Variants in IST1 observed in about 807,000 individuals in gnomAD.
IST1 encodes IST1 homolog.
IST1 carries 23 observed loss-of-function variants against 37.0 expected under a neutral mutation model. The observed-to-expected ratio is 0.62, with a 90% CI of 0.45 to 0.88. The LOEUF is 0.88. Among genes scored for constraint, IST1 ranks in the 40% least tolerant of loss-of-function variants. IST1 has a pLI of 0.00. For missense variants in IST1, 488 were observed against 445.4 expected (o/e 1.10, Z -0.86); for synonymous variants, 180 against 161.7 (o/e 1.11, Z -0.86).
At chr16:71,924,177 G>T (rs1473863825) in intron 8 of IST1, 2 of 455,860 alleles carry the variant, frequency 4.4e-6, no homozygotes, top group Non-Finnish European at 8.8e-6. Context: ...TAGGAATGAG[G>T]TCGAAAATCT....
chr16:71,920,608 C>T lies in IST1; in HGVS notation c.358-131C>T, dbSNP rs775955934. 7.8e-6 allele frequency: 5 copies of T among 637,676 alleles called. No homozygotes were observed. In the East Asian group the frequency reaches 1.4e-4, roughly 18 times the overall value. 39.5% of individuals were successfully genotyped at this position (637,676 alleles called of 1,614,324 possible). A position where few individuals can be genotyped will look rare whatever the true frequency, so the allele number is the denominator to read the frequency against. ...AACAAATAGTGGATTAATGCATACC[C>T]CTTAAGGTTTTGCAGACTCCAGTGT... On this transcript the variant is annotated intron_variant, in intron 4 of 9. Transcript: ENST00000378799.
At chr16:71,904,684 CGGCATGAGCCACCATACCT>C (rs2037181783) in intron 1 of IST1, among the ~76,000 whole-genome samples, 1 of 152,114 alleles carries the variant, frequency 6.6e-6, no homozygotes, top group East Asian at 1.9e-4. Flanking sequence ...GCTGGGCTTA[CGGCATGAGCCACCATACCT>C]GGCCTCCAAC....
upstream of IST1, chr16:71,894,978 AG>A: frequency 1.4e-6 from 1 of 717,548 alleles, no homozygotes; most frequent in African/African-American, 1.8e-5. Context: ...GCTGGTCCAA[AG>A]GGCAACCGGA....
chr16:71,923,750 A>G (rs1163442581), intron 8 of IST1, among the ~76,000 whole-genome samples: 2 of 152,142 alleles, frequency 1.3e-5, no homozygotes, highest in Non-Finnish European at 2.9e-5. Flanking sequence ...TATTAGTCCT[A>G]TGTGTTCTCA....
intron 6 of IST1, chr16:71,921,664 G>T (rs2037588081): frequency 2.1e-6 from 1 of 487,468 alleles, no homozygotes. Context: ...TCAAAACCTT[G>T]ATACAAATGT....
chr16:71,922,831 C>G (rs145771786), intron 7 of IST1, 151 bp downstream of exon 7: 7,913 of 661,502 alleles, frequency 0.012, 64 homozygotes, highest in Non-Finnish European at 0.016. Context: ...GGGGAAAAAA[C>G]ACATTGGATT....
At chr16:71,914,650 G>C (rs889910717) in intron 1 of IST1, among the ~76,000 whole-genome samples, 1 of 152,116 alleles carries the variant, frequency 6.6e-6, no homozygotes, top group African/African-American at 2.4e-5. Context: ...AAAGGCTTTT[G>C]GGGGCAATTT....
At chr16:71,925,446 G>C (rs997539469) in intron 9 of IST1, among the ~76,000 whole-genome samples, 1 of 151,496 alleles carries the variant, frequency 6.6e-6, no homozygotes, top group African/African-American at 2.4e-5. Context: ...CTCTTGAGTA[G>C]CTGGGATTAT....
intron 3 of IST1, 34 bp downstream of exon 3, chr16:71,916,676 T>G: frequency 1.3e-6 from 2 of 1,568,764 alleles, no homozygotes; most frequent in Non-Finnish European, 1.7e-6. Context: ...CTAAATCATT[T>G]CTGGAATTTG....
intron 2 of IST1, 64 bp from the exon 3 acceptor site, chr16:71,916,398 T>G: frequency 6.6e-7 from 1 of 1,510,934 alleles, no homozygotes; most frequent in Non-Finnish European, 9.1e-7. Context: ...TGGGGGGAGA[T>G]TGGCCTGTAG....
chr16:71,900,830 C>T (rs952088780), intron 1 of IST1, among the ~76,000 whole-genome samples: 1 of 152,122 alleles, frequency 6.6e-6, no homozygotes, highest in South Asian at 2.1e-4. Context: ...GGGAAGCTCT[C>T]ATTTGAATGT....
At chr16:71,924,690 G>T in intron 8 of IST1, 79 bp from the exon 9 acceptor site, 1 of 1,123,660 alleles carries the variant, frequency 8.9e-7, no homozygotes, top group Non-Finnish European at 1.4e-6. Context: ...CTTAACTTTT[G>T]GAAACACAGG....
At chr16:71,911,342 C>T (rs1305208004) in intron 1 of IST1, among the ~76,000 whole-genome samples, 6 of 101,874 alleles carry the variant, frequency 5.9e-5, no homozygotes, top group Non-Finnish European at 7.6e-5. Context: ...TTTTAGAATG[C>T]TACGTTACCT....
At chr16:71,911,219 T>G (rs575699438) in intron 1 of IST1, among the ~76,000 whole-genome samples, 2 of 148,830 alleles carry the variant, frequency 1.3e-5, no homozygotes, top group Admixed American at 1.3e-4. Context: ...CCAGCCTGGG[T>G]GAGAGTGAGA....
chr16:71,921,553 GT>G, intron 6 of IST1, 100 bp downstream of exon 6: 1 of 713,006 alleles, frequency 1.4e-6, no homozygotes, highest in Non-Finnish European at 2.5e-6. Flanking sequence ...ATTTGTGTGA[GT>G]TTAAGCCTTT....
chr16:71,908,472 G>A (rs985350533), intron 1 of IST1, among the ~76,000 whole-genome samples: 1 of 151,256 alleles, frequency 6.6e-6, no homozygotes, highest in African/African-American at 2.4e-5. Context: ...GATAATTTTT[G>A]TATTTTTCAT....
chr16:71,900,275 C>T (rs1192137437), intron 1 of IST1, among the ~76,000 whole-genome samples: 4 of 151,524 alleles, frequency 2.6e-5, no homozygotes, highest in African/African-American at 9.7e-5. Context: ...CTCTCCCCTC[C>T]TCACTTCGTA....
rs1393348771 is a variant in IST1 at position 71,928,097 on chromosome 16, G to T, written c.*284G>T. On this transcript the variant is annotated 3_prime_UTR_variant, in exon 10 of 10. Coordinates refer to ENST00000378799, the MANE Select transcript of IST1 (RefSeq NM_001270975.2). ...CAGGTTTCCTCCTGGCCCGTCCCAT[G>T]GTCCCTCCACAGGAGTGTGAGAGGA... 2 of 409,972 alleles carry T rather than the reference G, an allele frequency of 4.9e-6. No individual in the cohort carries two copies. The highest frequency in any genetic ancestry group is 4.1e-5 in the African/African-American group (2 of 48,944). 25.4% of individuals were successfully genotyped at this position (409,972 alleles called of 1,614,324 possible).
rs749617749 is a variant in IST1, at chr16:71,923,380, T to TGTAA, written c.852+3_852+6dup. On this transcript the variant is annotated frameshift_variant and splice_region_variant. Transcript: ENST00000378799. LOFTEE classifies it high-confidence loss of function. ...CAGCAACTCCCCCATCGTATGAATC[T>TGTAA]GTAAGTGCCTGAGCCTCTTTTATAA... The TGTAA allele has an allele frequency of 3.2e-6, 5 of 1,585,050 alleles. No individual in the cohort carries two copies. Among genetic ancestry groups the TGTAA allele is most frequent in the Non-Finnish European group, 4.3e-6 (5 of 1,153,890 alleles).
Sources: gnomAD v4.1 joint callset for allele counts (sites outside exome capture counted in the v4.1 genomes callset) on GRCh38, gnomAD v4.1.1 for gene constraint, MANE v1.5 for transcripts, NCBI Gene and HGNC (gene_info 2026-07-23, HGNC 2026-07-21) for gene names.